Variants in CILK1 observed in about 807,000 individuals in gnomAD.
CILK1 encodes the protein serine/threonine-protein kinase ICK.
A neutral mutation model predicts 79.2 loss-of-function variants in CILK1; 47 were observed. The observed-to-expected ratio is 0.59, with a 90% CI of 0.47 to 0.76. CILK1 has a LOEUF of 0.76. Among genes scored for constraint, CILK1 ranks in the 30% least tolerant of loss-of-function variants. The pLI is 0.00. For missense variants in CILK1, 660 were observed against 769.5 expected (o/e 0.86, Z 1.68); for synonymous variants, 266 against 275.9 (o/e 0.96, Z 0.36).
intron 1 of CILK1, among the ~76,000 whole-genome samples, chr6:53,055,229 T>C (rs1468889510): frequency 6.6e-6 from 1 of 152,240 alleles, no homozygotes; most frequent in Non-Finnish European, 1.5e-5. Flanking sequence ...AGTTCCATTT[T>C]ACCTTTACAG....
chr6:53,050,850 A>G (rs1767435584), intron 1 of CILK1, among the ~76,000 whole-genome samples: 1 of 152,184 alleles, frequency 6.6e-6, no homozygotes, highest in Non-Finnish European at 1.5e-5. Context: ...TTTTTAATTT[A>G]AAAAAGCATA....
At chr6:53,020,018 C>T (rs1357156220) in intron 5 of CILK1, among the ~76,000 whole-genome samples, 1 of 152,026 alleles carries the variant, frequency 6.6e-6, no homozygotes, top group African/African-American at 2.4e-5. Context: ...ACAGCAGAAA[C>T]ACAATTATAA....
Position 53,013,960 on chromosome 6 carries a change from T to A in CILK1, c.854A>T (p.Gln285Leu). 6.2e-7 allele frequency: 1 copy of A among 1,614,048 alleles called. No homozygotes were observed. The highest frequency in any genetic ancestry group is 1.3e-5 in the African/African-American group (1 of 74,998). ...GGTGCTGCCTAGTGGGTGTCCAACTTGGAAGTAAGGATATCGAAGTGCCTG... is the reference window on the plus strand; with the variant it reads ...GGTGCTGCCTAGTGGGTGTCCAACTAGGAAGTAAGGATATCGAAGTGCCTG... ...ASQALRYPYF[Q>L]VGHPLGSTTQ... is the part of the protein sequence containing the mutation. The change falls in exon 9 of 14, where the codon CAA (glutamine) becomes CTA (leucine). Residue 285 changes from glutamine to leucine, a missense_variant. Transcript: ENST00000676107.
chr6:53,032,389 T>TA (rs1227909101), intron 4 of CILK1, 144 bp downstream of exon 4: 2 of 261,786 alleles, frequency 7.6e-6, no homozygotes, highest in Admixed American at 1.2e-4. Context: ...CCCTAAAACT[T>TA]AAAGTATAAT....
intron 2 of CILK1, among the ~76,000 whole-genome samples, chr6:53,038,463 TG>T (rs1766499086): frequency 6.6e-6 from 1 of 152,200 alleles, no homozygotes; most frequent in Admixed American, 6.5e-5. Flanking sequence ...ATGCCACATA[TG>T]GTTACTTGCT....
Position 53,045,246 on chromosome 6 carries a change from G to A in CILK1, c.-172-3838C>T, listed in dbSNP as rs1581752625. On this transcript the variant is annotated intron_variant, in intron 1 of 13. Transcript: ENST00000676107. ...ATGGAATAGATTGGATTCAGGCTGT[G>A]CCTTAACCCAAAAAGTATATTTGGA... 2.0e-5 allele frequency among the ~76,000 whole-genome samples: 3 copies of A among 152,306 alleles called. No homozygotes were observed. The South Asian group carries it at 6.2e-4, about 32-fold the overall frequency.
intron 1 of CILK1, among the ~76,000 whole-genome samples, chr6:53,056,156 T>C (rs1315687075): frequency 6.6e-6 from 1 of 152,242 alleles, no homozygotes; most frequent in East Asian, 1.9e-4. Context: ...CATTATCTTT[T>C]ACGGTAGTTA....
intron 5 of CILK1, among the ~76,000 whole-genome samples, chr6:53,026,058 C>G (rs1765550900): frequency 6.6e-6 from 1 of 152,152 alleles, no homozygotes; most frequent in South Asian, 2.1e-4. Context: ...CTTCCTGTGC[C>G]TTAGTTTTCT....
chr6:53,048,525 T>A (rs1447256676), intron 1 of CILK1, among the ~76,000 whole-genome samples: 3 of 152,226 alleles, frequency 2.0e-5, no homozygotes, highest in Non-Finnish European at 4.4e-5. Flanking sequence ...TGTGGTTAAA[T>A]ACATTTGAGA....
intron 9 of CILK1, 119 bp from the exon 10 acceptor site, chr6:53,012,346 C>T (rs1347266874): frequency 6.9e-6 from 6 of 875,268 alleles, no homozygotes; most frequent in East Asian, 2.6e-5. Context: ...CATAACATTG[C>T]TTATCTGAAG....
intron 12 of CILK1, among the ~76,000 whole-genome samples, chr6:53,007,966 T>TAAATA (rs571989940): frequency 2.2e-3 from 330 of 150,186 alleles, no homozygotes; most frequent in African/African-American, 6.5e-3. Flanking sequence ...TAAAAATAAA[T>TAAATA]AAATAAAATA....
rs762672463 is a variant in CILK1, at chr6:53,013,917, A to T, written c.897T>A (p.Asp299Glu). Reference sequence around the variant, plus strand: ...GGATGCCTTTCTGTGGTTTTTCTGAATCCTGAAGGTTTTGTGTGGTGCTGC... The same window carrying T: ...GGATGCCTTTCTGTGGTTTTTCTGATTCCTGAAGGTTTTGTGTGGTGCTGC... ...PLGSTTQNLQ[D>E]SEKPQKGILE... Residue 299 changes from aspartate (D) to glutamate (E), a missense_variant, in exon 9 of 14, where the codon GAT becomes GAA. By Grantham distance (45) the Asp-to-Glu change is conservative (BLOSUM62 2). Transcript: ENST00000676107. The T allele has an allele frequency of 1.2e-6, 2 of 1,613,876 alleles. No individual in the cohort carries two copies. The highest frequency in any genetic ancestry group is 2.2e-5 in the South Asian group (2 of 91,068).
At chr6:53,024,899 C>A (rs1765477182) in intron 5 of CILK1, among the ~76,000 whole-genome samples, 1 of 146,202 alleles carries the variant, frequency 6.8e-6, no homozygotes, top group Non-Finnish European at 1.5e-5. Flanking sequence ...GTGGCACCAT[C>A]TTAGCTCAAT....
chr6:53,027,593 C>T (rs16883373), intron 5 of CILK1, among the ~76,000 whole-genome samples: 28,151 of 152,176 alleles, frequency 0.18, 2,863 homozygotes, highest in African/African-American at 0.26. Flanking sequence ...CTTTGAAGTG[C>T]TTTAAGTACT....
chr6:53,021,252 G>A (rs540017824), intron 5 of CILK1, among the ~76,000 whole-genome samples: 3 of 151,788 alleles, frequency 2.0e-5, no homozygotes, highest in Non-Finnish European at 2.9e-5. Flanking sequence ...TTGAACCTGC[G>A]AGGTGGAGGT....
intron 1 of CILK1, among the ~76,000 whole-genome samples, chr6:53,056,799 G>A (rs1410057743): frequency 1.3e-5 from 2 of 152,108 alleles, no homozygotes; most frequent in Non-Finnish European, 2.9e-5. Context: ...GCTTTAAAAG[G>A]CAATCCTGAC....
In CILK1 at chr6:53,005,127, G is replaced by A. The variant is rs1764140546; in HGVS notation, c.*22C>T. ...AGTATCCTGCTTCTCCCTAGGAAGA[G>A]ATTCATCACCAAGGCAGACAGTCAT... On this transcript the variant is annotated 3_prime_UTR_variant, in exon 14 of 14. Coordinates refer to ENST00000676107, the MANE Select transcript of CILK1 (RefSeq NM_014920.5). 6.2e-7 allele frequency: 1 copy of A among 1,613,896 alleles called. No individual in the cohort carries two copies. The highest frequency in any genetic ancestry group is 8.5e-7 in the Non-Finnish European group (1 of 1,179,932).
chr6:53,034,110 T>A (rs1461463479), intron 3 of CILK1, among the ~76,000 whole-genome samples: 2 of 152,256 alleles, frequency 1.3e-5, no homozygotes, highest in African/African-American at 2.4e-5. Flanking sequence ...TATGCCTGTT[T>A]GCTTAAAACG....
intron 3 of CILK1, 101 bp from the exon 4 acceptor site, chr6:53,032,755 A>AT: frequency 1.1e-6 from 1 of 912,310 alleles, no homozygotes; most frequent in Non-Finnish European, 1.7e-6. Flanking sequence ...GAAACAACTA[A>AT]TTTTAGAACC....
Sources: allele counts gnomAD v4.1 joint callset (sites outside exome capture counted in the v4.1 genomes callset), GRCh38; gene constraint gnomAD v4.1.1; transcripts MANE v1.5; gene names NCBI Gene and HGNC (gene_info 2026-07-23, HGNC 2026-07-21).